The following SLC39A11 variants were observed in gnomAD, a reference collection of about 807,000 sequenced individuals.
SLC39A11 encodes the protein zinc transporter ZIP11.
A neutral mutation model predicts 36.1 loss-of-function variants in SLC39A11; 33 were observed. The observed-to-expected ratio is 0.91, with a 90% CI of 0.69 to 1.22. The LOEUF is 1.22. Ranked by LOEUF, SLC39A11 falls within the 50% of genes most tolerant of loss-of-function variation. SLC39A11 has a pLI of 0.00. For missense variants in SLC39A11, 432 were observed against 430.3 expected (o/e 1.00, Z -0.03); for synonymous variants, 166 against 170.3 (o/e 0.97, Z 0.20).
intron 4 of SLC39A11, among the ~76,000 whole-genome samples, chr17:72,963,002 T>A (rs2086713459): frequency 6.6e-6 from 1 of 152,092 alleles, no homozygotes; most frequent in African/African-American, 2.4e-5. Context: ...CTCTCTCTTT[T>A]AAGGGCTCAC....
intron 4 of SLC39A11, among the ~76,000 whole-genome samples, chr17:72,957,552 C>T (rs2086323852): frequency 6.6e-6 from 1 of 152,242 alleles, no homozygotes; most frequent in African/African-American, 2.4e-5. Flanking sequence ...GGCGCCGCAG[C>T]TCATGCCTGT....
At chr17:72,787,293 T>C (rs1206897911) in intron 6 of SLC39A11, among the ~76,000 whole-genome samples, 1 of 134,580 alleles carries the variant, frequency 7.4e-6, no homozygotes, top group East Asian at 2.2e-4. Flanking sequence ...AGTCTCGCTC[T>C]GATGCCTAGG....
At chr17:72,833,619 A>T (rs1234494061) in intron 6 of SLC39A11, among the ~76,000 whole-genome samples, 3 of 152,230 alleles carry the variant, frequency 2.0e-5, no homozygotes, top group Non-Finnish European at 4.4e-5. Flanking sequence ...GTTAAGTCAC[A>T]GGAGGCTGTT....
chr17:73,065,775 G>C (rs995778253), intron 3 of SLC39A11, among the ~76,000 whole-genome samples: 1 of 152,166 alleles, frequency 6.6e-6, no homozygotes, highest in Non-Finnish European at 1.5e-5. Flanking sequence ...GAACACATTA[G>C]GCTTAACTGG....
chr17:72,937,580 A>C (rs996344132), intron 5 of SLC39A11, among the ~76,000 whole-genome samples: 2 of 152,212 alleles, frequency 1.3e-5, no homozygotes, highest in Non-Finnish European at 2.9e-5. Context: ...TGGCCCACTA[A>C]GGCCAGCACA....
At chr17:73,021,139 C>G (rs2058338740) in intron 4 of SLC39A11, among the ~76,000 whole-genome samples, 1 of 152,092 alleles carries the variant, frequency 6.6e-6, no homozygotes, top group African/African-American at 2.4e-5. Context: ...GGTTCCTGAG[C>G]CTGGGGACCT....
At chr17:72,648,537 A>G (rs1407249681) in intron 9 of SLC39A11, among the ~76,000 whole-genome samples, 1 of 151,812 alleles carries the variant, frequency 6.6e-6, no homozygotes, top group Non-Finnish European at 1.5e-5. Context: ...ATATACAAAA[A>G]CGATAGTCTA....
rs138943415 is a variant in SLC39A11, at chr17:72,785,614, G to A, written c.602-48895C>T. Among the ~76,000 whole-genome samples, 25 of 152,318 alleles carry A rather than the reference G, an allele frequency of 1.6e-4. 1 individual carries two copies. The East Asian group carries it at 3.7e-3, about 22-fold the overall frequency. On this transcript the variant is annotated intron_variant, in intron 6 of 9. Transcript: ENST00000255559. ...CCTCAAAGCTTTCAGAGAAGCCAGG[G>A]CACAATTATCAGAGAGGACGTAGGA...
intron 7 of SLC39A11, among the ~76,000 whole-genome samples, chr17:72,720,644 C>G (rs2073623164): frequency 6.6e-6 from 1 of 152,160 alleles, no homozygotes; most frequent in South Asian, 2.1e-4. Context: ...GACAGTGCTA[C>G]CTACCATCCA....
At chr17:72,763,986 C>T (rs533579566) in intron 6 of SLC39A11, among the ~76,000 whole-genome samples, 1 of 152,168 alleles carries the variant, frequency 6.6e-6, no homozygotes, top group South Asian at 2.1e-4. Context: ...ACGGTCTCTG[C>T]TTGACTTGTC....
intron 6 of SLC39A11, among the ~76,000 whole-genome samples, chr17:72,823,134 C>T (rs1484159309): frequency 6.6e-6 from 1 of 151,148 alleles, no homozygotes; most frequent in Non-Finnish European, 1.5e-5. Flanking sequence ...TGCCCCAAGA[C>T]AAAATGGAAG....
chr17:72,870,051 TA>T (rs1367143358), intron 5 of SLC39A11, among the ~76,000 whole-genome samples: 2 of 152,150 alleles, frequency 1.3e-5, no homozygotes, highest in African/African-American at 4.8e-5. Flanking sequence ...TTGTTTAGCA[TA>T]ACCTGTAGAT....
At chr17:72,780,121 T>C (rs940543050) in intron 6 of SLC39A11, among the ~76,000 whole-genome samples, 2 of 152,194 alleles carry the variant, frequency 1.3e-5, no homozygotes, top group African/African-American at 2.4e-5. Flanking sequence ...CTTCTTTTTC[T>C]ATTTCAACTC....
intron 2 of SLC39A11, among the ~76,000 whole-genome samples, chr17:73,086,562 G>A (rs1285415881): frequency 1.3e-5 from 2 of 152,198 alleles, no homozygotes; most frequent in Non-Finnish European, 2.9e-5. Context: ...GTGCACACCT[G>A]TAATCCCAGC....
chr17:72,936,414 A>T (rs1445365307), intron 5 of SLC39A11, among the ~76,000 whole-genome samples: 4 of 9,038 alleles, frequency 4.4e-4, no homozygotes, highest in Non-Finnish European at 3.2e-3. Flanking sequence ...AAAAAAGTAA[A>T]AAAAAAAAAA....
intron 3 of SLC39A11, among the ~76,000 whole-genome samples, chr17:73,047,226 G>A (rs1309380720): frequency 2.6e-5 from 4 of 151,644 alleles, no homozygotes; most frequent in East Asian, 2.0e-4. Context: ...GGGTTGCACC[G>A]TGTTAGCCAG....
intron 7 of SLC39A11, among the ~76,000 whole-genome samples, chr17:72,726,437 G>A (rs1024246995): frequency 6.6e-6 from 1 of 152,110 alleles, no homozygotes; most frequent in African/African-American, 2.4e-5. Flanking sequence ...TTTGAGCCCA[G>A]GAGGTCAAGG....
intron 5 of SLC39A11, among the ~76,000 whole-genome samples, chr17:72,936,723 G>A (rs1237849367): frequency 6.6e-6 from 1 of 152,036 alleles, no homozygotes; most frequent in African/African-American, 2.4e-5. Context: ...TTTTATGGAA[G>A]ATAATTTTTC....
rs145786148 is a variant in SLC39A11 at position 72,768,115 on chromosome 17, G to T, written c.602-31396C>A. Among the ~76,000 whole-genome samples the T allele has an allele frequency of 9.2e-5, 14 of 152,216 alleles. No individual in the cohort carries two copies. The East Asian group carries it at 2.7e-3, about 29-fold the overall frequency. The stretch of plus-strand genomic sequence containing the variant: ...AGCTATCAGGTCCAGGTGGAGCTAT[G>T]GGTTTCAGACATGCAAAAAACCTGA... On this transcript the variant is annotated intron_variant, in intron 6 of 9. Transcript: ENST00000255559.
Sources: gnomAD v4.1 joint callset for allele counts (sites outside exome capture counted in the v4.1 genomes callset) on GRCh38, gnomAD v4.1.1 for gene constraint, MANE v1.5 for transcripts, NCBI Gene and HGNC (gene_info 2026-07-23, HGNC 2026-07-21) for gene names.